The following DICER1 variants were observed in gnomAD, a reference collection of about 807,000 sequenced individuals.
The protein encoded by DICER1 is dicer 1, ribonuclease III.
DICER1 carries 43 observed loss-of-function variants against 194.1 expected under a neutral mutation model. The observed-to-expected ratio is 0.22, with a 90% CI of 0.17 to 0.29. The LOEUF (loss-of-function observed/expected upper bound fraction) is 0.29, where lower values mean the gene tolerates loss of function less well. Ranked by LOEUF, DICER1 falls within the 10% of genes least tolerant of loss-of-function variation. DICER1 has a pLI of 1.00. For synonymous variants in DICER1, 832 were observed against 820.5 expected, an observed-to-expected ratio of 1.01 and a Z score of -0.24; for missense variants, 1,608 against 2,317.0, an observed-to-expected ratio of 0.69 and a Z score of 6.28.
At chr14:95,126,897 G>T in intron 6 of DICER1, 149 bp from the exon 7 acceptor site, 6 of 605,354 alleles carry the variant, frequency 9.9e-6, no homozygotes, top group East Asian at 5.6e-5. Context: ...TGAGATTTTA[G>T]GTGTTTAATT....
rs1158168634 is a variant in DICER1, at chr14:95,090,193, G to A, written c.*305C>T. ...ACTCAAAAAAAAAAAAACAAAACCTGTCAATTATTTTGAGCACTTGCTAAA... is the reference window on the plus strand; with the variant it reads ...ACTCAAAAAAAAAAAAACAAAACCTATCAATTATTTTGAGCACTTGCTAAA... On this transcript the variant is annotated 3_prime_UTR_variant, in exon 27 of 27. Coordinates refer to ENST00000343455, the MANE Select transcript of DICER1 (RefSeq NM_177438.3). 5 of 429,184 alleles carry A rather than the reference G, an allele frequency of 1.2e-5. No homozygotes were observed. Among genetic ancestry groups the A allele is most frequent in the Non-Finnish European group, 1.7e-5 (4 of 235,320 alleles). 26.6% of individuals were successfully genotyped at this position (429,184 alleles called of 1,614,324 possible). A position where few individuals can be genotyped will look rare whatever the true frequency, so the allele number is the denominator to read the frequency against.
chr14:95,107,977 C>T lies in DICER1; in HGVS notation c.2553G>A (p.Gln851=), dbSNP rs373715574. 6.3e-5 allele frequency: 102 copies of T among 1,613,522 alleles called. No homozygotes were observed. The Middle Eastern group carries it at 4.0e-3, about 63-fold the overall frequency. The part of the protein sequence containing the change: ...QMLELITRLH[Q]YIFSHILRLE... ...GCCGAAGAATATGTGAGAATATATA[C>T]TGGTGAAGTCTTGTAATCAACTCAA... The change falls in exon 16 of 27, where the codon CAG becomes CAA. Residue 851 remains glutamine, a synonymous_variant. Transcript: ENST00000343455.
At chr14:95,129,157 C>A (rs1041813673) in intron 6 of DICER1, 1 of 290,998 alleles carries the variant, frequency 3.4e-6, no homozygotes, top group Non-Finnish European at 6.6e-6. Flanking sequence ...AACAACAAAG[C>A]ACACATATTG....
At chr14:95,135,930 C>G (rs1312919469) in intron 1 of DICER1, among the ~76,000 whole-genome samples, 1 of 152,124 alleles carries the variant, frequency 6.6e-6, no homozygotes, top group Non-Finnish European at 1.5e-5. Context: ...GAGATAACAG[C>G]AATGTTAAAA....
At chr14:95,139,181 C>T (rs1425901690) in intron 1 of DICER1, among the ~76,000 whole-genome samples, 2 of 152,138 alleles carry the variant, frequency 1.3e-5, no homozygotes, top group African/African-American at 4.8e-5. Flanking sequence ...GTGATCCTAG[C>T]AGTTATACTA....
chr14:95,118,117 C>T (rs976497942), intron 8 of DICER1, among the ~76,000 whole-genome samples: 4 of 152,098 alleles, frequency 2.6e-5, no homozygotes, highest in African/African-American at 9.7e-5. Flanking sequence ...CGGGACAGGA[C>T]GTCCAATGAA....
At position 95,113,169 on chromosome 14, in the gene DICER1, T is replaced by C; in HGVS notation, c.1963A>G (p.Thr655Ala). The C allele has an allele frequency of 6.2e-7, 1 of 1,613,664 alleles. No individual in the cohort carries two copies. Among genetic ancestry groups the C allele is most frequent in the Non-Finnish European group, 8.5e-7 (1 of 1,179,562 alleles). The change falls in exon 12 of 27, where the codon ACC (threonine) becomes GCC (alanine). Residue 655 changes from threonine (T) to alanine (A), a missense_variant. By Grantham distance (58) the Thr-to-Ala change is moderately conservative. Around this residue, in one of 10 missense-constraint regions of DICER1, gnomAD observed 657 missense variants for 910.1 expected, o/e 0.72. Coordinates refer to ENST00000343455, the MANE Select transcript of DICER1 (RefSeq NM_177438.3). ...AATGTACCATCAGGCAACTCTCGGG[T>C]TCTGCATTTAGGAGCTAGATGAGTA... The part of the protein sequence containing the change: ...PFTHLAPKCR[T>A]RELPDGTFYS...
intron 21 of DICER1, among the ~76,000 whole-genome samples, chr14:95,102,809 T>C (rs1891001435): frequency 6.6e-6 from 1 of 152,200 alleles, no homozygotes; most frequent in South Asian, 2.1e-4. Flanking sequence ...CTCAGAACTC[T>C]GGTGTCACCC....
At position 95,094,126 on chromosome 14, in the gene DICER1, T is replaced by C. The variant is rs1555366979; in HGVS notation, c.5126A>G (p.Asp1709Gly). 1 of 1,614,076 alleles carries C rather than the reference T, an allele frequency of 6.2e-7. No individual in the cohort carries two copies. The highest frequency in any genetic ancestry group is 8.5e-7 in the Non-Finnish European group (1 of 1,179,984). ...DCYQRLEFLG[D>G]AILDYLITKH... is the part of the protein sequence containing the mutation. ...GGTTATGAGGTAGTCCAAAATCGCA[T>C]CTCCCAGGAATTCTAAGCGCTGGTA... Residue 1709 changes from aspartate to glycine, a missense_variant, in exon 24 of 27, where the codon GAT becomes GGT. Physicochemically the swap from Asp to Gly is moderately conservative, Grantham distance 94. Around this residue, in one of 10 missense-constraint regions of DICER1, gnomAD observed 138 missense variants for 298.3 expected, o/e 0.46. Transcript: ENST00000343455.
At chr14:95,145,786 A>G (rs1405293107) in intron 1 of DICER1, among the ~76,000 whole-genome samples, 2 of 152,210 alleles carry the variant, frequency 1.3e-5, no homozygotes, top group African/African-American at 4.8e-5. Flanking sequence ...TGTCTTTTTA[A>G]AAAGTTTTTT....
rs2140233516 is a variant in DICER1 at position 95,126,672 on chromosome 14, G to T, written c.811C>A (p.Leu271Met). 6.3e-7 allele frequency: 1 copy of T among 1,595,788 alleles called. No homozygotes were observed. The highest frequency in any genetic ancestry group is 8.6e-7 in the Non-Finnish European group (1 of 1,163,646). Residue 271 changes from leucine (L) to methionine (M), a missense_variant, in exon 7 of 27, where the codon CTG becomes ATG. Physicochemically the swap from Leu to Met is conservative, Grantham distance 15. Transcript: ENST00000343455. The stretch of plus-strand genomic sequence containing the variant: ...TTAAGTGCTTCTTCTAATTCCATCA[G>T]CAGTCTTTCATAAAGCCCACTTCTG... ...TDRSGLYERLLMELEEALNFI... is the reference protein window; with the variant it reads ...TDRSGLYERLMMELEEALNFI...
chr14:95,146,087 G>A (rs1487265751), intron 1 of DICER1, among the ~76,000 whole-genome samples: 1 of 152,248 alleles, frequency 6.6e-6, no homozygotes, highest in East Asian at 1.9e-4. Flanking sequence ...TGCTTATGTT[G>A]AGAGCAGCAG....
intron 1 of DICER1, among the ~76,000 whole-genome samples, chr14:95,156,149 A>G (rs1193630665): frequency 6.6e-6 from 1 of 152,206 alleles, no homozygotes; most frequent in Admixed American, 6.5e-5. Context: ...TTAACAGCAC[A>G]TTTTTAACAA....
intron 14 of DICER1, 147 bp downstream of exon 14, chr14:95,111,170 C>T: frequency 1.2e-6 from 1 of 836,792 alleles, no homozygotes; most frequent in Non-Finnish European, 2.1e-6. Context: ...CTGAGAGAAG[C>T]TGTGAATCGG....
intron 7 of DICER1, 145 bp downstream of exon 7, chr14:95,126,435 T>C (rs896643218): frequency 1.7e-5 from 10 of 583,936 alleles, no homozygotes; most frequent in African/African-American, 1.7e-4. Context: ...TAATATGGTA[T>C]GTTCAATGAA....
At chr14:95,095,643 A>C (rs1451703444) in intron 23 of DICER1, 182 bp downstream of exon 23, 2 of 715,484 alleles carry the variant, frequency 2.8e-6, no homozygotes, top group East Asian at 5.5e-5. Context: ...GTTATAAAGC[A>C]ATACGTGCTC....
intron 1 of DICER1, among the ~76,000 whole-genome samples, chr14:95,147,851 G>A (rs895526825): frequency 6.6e-6 from 1 of 152,120 alleles, no homozygotes; most frequent in African/African-American, 2.4e-5. Flanking sequence ...TAACTTGCTA[G>A]ACCAGCTCAC....
At chr14:95,146,431 G>A (rs907921056) in intron 1 of DICER1, among the ~76,000 whole-genome samples, 1 of 152,028 alleles carries the variant, frequency 6.6e-6, no homozygotes, top group Non-Finnish European at 1.5e-5. Flanking sequence ...CCCCTATTCT[G>A]AGCCTGTAAA....
At position 95,108,006 on chromosome 14, in the gene DICER1, T is replaced by C. The variant is rs1196111891; in HGVS notation, c.2524A>G (p.Met842Val). The change falls in exon 16 of 27, where the codon ATG (methionine) becomes GTG (valine). Residue 842 changes from methionine to valine, a missense_variant. By Grantham distance (21) the Met-to-Val change is conservative. Transcript: ENST00000343455. ...KKSGFMLSLQ[M>V]LELITRLHQY... Reference sequence around the variant, plus strand: ...TGAAGTCTTGTAATCAACTCAAGCATTTGTAGAGACAACATGAAACCAGAC... The same window carrying C: ...TGAAGTCTTGTAATCAACTCAAGCACTTGTAGAGACAACATGAAACCAGAC... The C allele has an allele frequency of 6.2e-7, 1 of 1,613,626 alleles. No homozygotes were observed. Among genetic ancestry groups the C allele is most frequent in the Non-Finnish European group, 8.5e-7 (1 of 1,179,510 alleles).
Sources: gnomAD v4.1 joint callset for allele counts (sites outside exome capture counted in the v4.1 genomes callset) on GRCh38, gnomAD v4.1.1 for gene constraint, gnomAD v4.1.1 regional missense constraint, MANE v1.5 for transcripts, NCBI Gene and HGNC (gene_info 2026-07-23, HGNC 2026-07-21) for gene names.